Variants in SHISA6 observed in about 807,000 individuals in gnomAD.
The protein encoded by SHISA6 is shisa family member 6, also known as protein shisa-6.
A neutral mutation model predicts 47.9 loss-of-function variants in SHISA6; 22 were observed. That is an observed-to-expected ratio of 0.46 (90% CI 0.33 to 0.66). The LOEUF (loss-of-function observed/expected upper bound fraction) is 0.66. Ranked by LOEUF, SHISA6 falls within the 30% of genes least tolerant of loss-of-function variation. SHISA6 has a pLI of 0.02. For missense variants in SHISA6, 680 were observed against 764.6 expected, an observed-to-expected ratio of 0.89 and a Z score of 1.30; for synonymous variants, 388 against 337.8, an observed-to-expected ratio of 1.15 and a Z score of -1.63.
intron 2 of SHISA6, among the ~76,000 whole-genome samples, chr17:11,362,218 C>T (rs570498852): frequency 1.3e-5 from 2 of 152,256 alleles, no homozygotes; most frequent in Admixed American, 6.5e-5. Flanking sequence ...TAGCTTACTG[C>T]AGTCTCAAAT....
chr17:11,344,948 C>T (rs373120485), intron 2 of SHISA6, among the ~76,000 whole-genome samples: 7 of 152,140 alleles, frequency 4.6e-5, no homozygotes, highest in African/African-American at 1.7e-4. Context: ...TCCGACCTTT[C>T]CTACCATGTA....
intron 2 of SHISA6, among the ~76,000 whole-genome samples, chr17:11,350,182 A>ATTTTTTTTT (rs778331945): frequency 8.6e-6 from 1 of 116,240 alleles, no homozygotes; most frequent in African/African-American, 3.3e-5. Flanking sequence ...TTATTTATTT[A>ATTTTTTTTT]TTTTTTTTTT....
intron 3 of SHISA6, among the ~76,000 whole-genome samples, chr17:11,498,285 C>T (rs1457521197): frequency 1.3e-5 from 2 of 152,184 alleles, no homozygotes; most frequent in Non-Finnish European, 2.9e-5. Flanking sequence ...CCTCCTCCAT[C>T]CCCAAACATC....
intron 1 of SHISA6, 65 bp downstream of exon 1, chr17:11,242,125 C>CT: frequency 1.3e-6 from 2 of 1,538,694 alleles, no homozygotes; most frequent in Non-Finnish European, 1.7e-6. Flanking sequence ...CTTGCTTCCC[C>CT]TGTCCTCTTC....
At chr17:11,261,953 A>G (rs902894910) in intron 1 of SHISA6, among the ~76,000 whole-genome samples, 1 of 152,112 alleles carries the variant, frequency 6.6e-6, no homozygotes, top group Non-Finnish European at 1.5e-5. Context: ...GAAGGCTCCA[A>G]TTTCTCTACC....
chr17:11,317,546 T>G (rs2142192936), intron 2 of SHISA6, among the ~76,000 whole-genome samples: 1 of 152,074 alleles, frequency 6.6e-6, no homozygotes, highest in East Asian at 1.9e-4. Context: ...TTTTTACTTC[T>G]TAGGAATCCT....
intron 3 of SHISA6, among the ~76,000 whole-genome samples, chr17:11,434,985 A>G (rs1286831453): frequency 6.6e-6 from 1 of 152,194 alleles, no homozygotes; most frequent in East Asian, 1.9e-4. Flanking sequence ...CCTAACCCCA[A>G]AAGTGATAGT....
intron 2 of SHISA6, among the ~76,000 whole-genome samples, chr17:11,361,126 T>C (rs964412032): frequency 3.9e-5 from 6 of 152,042 alleles, no homozygotes; most frequent in Admixed American, 1.3e-4. Flanking sequence ...CCTTACGTCA[T>C]ATCTAGTACA....
At chr17:11,290,863 T>C (rs1909508094) in intron 2 of SHISA6, 1 of 152,106 alleles carries the variant, frequency 6.6e-6, no homozygotes, top group Admixed American at 6.5e-5. Context: ...TATGGGACTT[T>C]CGTGTCTGCT....
intron 2 of SHISA6, among the ~76,000 whole-genome samples, chr17:11,370,585 C>T (rs1912603398): frequency 6.6e-6 from 1 of 152,176 alleles, no homozygotes; most frequent in African/African-American, 2.4e-5. Flanking sequence ...GGCTATCAAG[C>T]TGCATTCTAG....
intron 2 of SHISA6, among the ~76,000 whole-genome samples, chr17:11,348,751 A>G (rs1911780157): frequency 6.6e-6 from 1 of 152,180 alleles, no homozygotes; most frequent in African/African-American, 2.4e-5. Flanking sequence ...CCCAATCTGT[A>G]TATTTTAACA....
At chr17:11,526,146 A>T (rs1327124434) in intron 3 of SHISA6, among the ~76,000 whole-genome samples, 3 of 147,178 alleles carry the variant, frequency 2.0e-5, no homozygotes, top group African/African-American at 7.5e-5. Flanking sequence ...GTGTGGCCCA[A>T]ATATGGTTTC....
At chr17:11,391,562 C>T (rs1913387609) in intron 3 of SHISA6, among the ~76,000 whole-genome samples, 1 of 152,138 alleles carries the variant, frequency 6.6e-6, no homozygotes, top group Admixed American at 6.5e-5. Flanking sequence ...CAACTCCCCT[C>T]ACCTCTACTC....
At chr17:11,275,912 T>C (rs1908871816) in intron 2 of SHISA6, among the ~76,000 whole-genome samples, 1 of 152,112 alleles carries the variant, frequency 6.6e-6, no homozygotes, top group African/African-American at 2.4e-5. Flanking sequence ...CGAGTAGAGA[T>C]ATGATCTGAC....
chr17:11,285,807 G>A (rs1160619163), intron 2 of SHISA6, among the ~76,000 whole-genome samples: 2 of 151,678 alleles, frequency 1.3e-5, no homozygotes, highest in Non-Finnish European at 2.9e-5. Context: ...GGGTGGTGCT[G>A]GTGGTGTGGC....
At chr17:11,365,669 G>A (rs752578713) in intron 2 of SHISA6, among the ~76,000 whole-genome samples, 33 of 152,290 alleles carry the variant, frequency 2.2e-4, no homozygotes, top group East Asian at 5.8e-4. Context: ...CATTTAGTCC[G>A]TTAATCCATT....
intron 2 of SHISA6, among the ~76,000 whole-genome samples, chr17:11,335,256 G>A (rs1028646263): frequency 6.6e-6 from 1 of 152,158 alleles, no homozygotes; most frequent in South Asian, 2.1e-4. Context: ...TTAGATGCTC[G>A]CTGCTTCCTT....
chr17:11,553,144 G>GA (rs2071945427), intron 4 of SHISA6, among the ~76,000 whole-genome samples: 2 of 152,122 alleles, frequency 1.3e-5, no homozygotes, highest in African/African-American at 4.8e-5. Flanking sequence ...GAGTTTGCAA[G>GA]AAAAAAATAT....
At chr17:11,444,817 G>T (rs894157752) in intron 3 of SHISA6, among the ~76,000 whole-genome samples, 1 of 152,170 alleles carries the variant, frequency 6.6e-6, no homozygotes, top group Non-Finnish European at 1.5e-5. Context: ...ACAAGATTCA[G>T]ATGGGACTCT....
Sources: gnomAD v4.1 joint callset for allele counts (sites outside exome capture counted in the v4.1 genomes callset) on GRCh38, gnomAD v4.1.1 for gene constraint, MANE v1.5 for transcripts, NCBI Gene and HGNC (gene_info 2026-07-23, HGNC 2026-07-21) for gene names.